Variants in DPH6 observed in about 807,000 individuals in gnomAD.
DPH6 encodes the protein diphthine--ammonia ligase.
Under a neutral mutation model 38.2 loss-of-function variants are expected in DPH6, and 33 were observed. That is an observed-to-expected ratio of 0.86 (90% CI 0.65 to 1.15). DPH6 has a LOEUF of 1.15. DPH6 is among the 50% of genes most tolerant of loss of function. The pLI is 0.00. For missense variants in DPH6, 325 were observed against 320.0 expected (o/e 1.02, Z -0.12); for synonymous variants, 108 against 103.0 (o/e 1.05, Z -0.30).
chr15:35,200,618 C>T, the DPH6 span, among the ~76,000 whole-genome samples: 3 of 151,848 alleles, frequency 2.0e-5, no homozygotes, highest in Non-Finnish European at 2.9e-5. Context: ...TTGCTGTGTG[C>T]TCCCTGCTTC....
At chr15:35,324,501 C>G (rs1192778210) in intron 3 of DPH6, among the ~76,000 whole-genome samples, 1 of 147,048 alleles carries the variant, frequency 6.8e-6, no homozygotes, top group Non-Finnish European at 1.5e-5. Context: ...TTAAGTTGTT[C>G]TCAGTCCTTT....
chr15:35,193,057 T>A, the DPH6 span, among the ~76,000 whole-genome samples: 1 of 152,210 alleles, frequency 6.6e-6, no homozygotes, highest in African/African-American at 2.4e-5. Flanking sequence ...AGAGAATGCC[T>A]CACACATTTA....
chr15:35,349,300 T>C (rs891200540), intron 3 of DPH6, among the ~76,000 whole-genome samples: 31 of 152,234 alleles, frequency 2.0e-4, no homozygotes, highest in African/African-American at 7.2e-4. Flanking sequence ...AAGCTTTTCA[T>C]ATATGGCCTT....
At chr15:35,401,535 A>T in intron 6 of DPH6, 3 of 771,630 alleles carry the variant, frequency 3.9e-6, no homozygotes, top group Non-Finnish European at 7.2e-6. Context: ...ATGGAGGCAG[A>T]GGTGGCTTTG....
the DPH6 span, among the ~76,000 whole-genome samples, chr15:35,192,365 A>C: frequency 1.3e-5 from 2 of 152,200 alleles, no homozygotes; most frequent in Non-Finnish European, 2.9e-5. Context: ...CAAAGTAGAG[A>C]GCACAAATAT....
chr15:35,311,667 T>A (rs1256300099), intron 3 of DPH6, among the ~76,000 whole-genome samples: 1 of 152,216 alleles, frequency 6.6e-6, no homozygotes, highest in Non-Finnish European at 1.5e-5. Flanking sequence ...AATGTTCTCT[T>A]GTTTTGACTT....
intron 3 of DPH6, among the ~76,000 whole-genome samples, chr15:35,364,113 C>A (rs1374083878): frequency 6.6e-6 from 1 of 151,824 alleles, no homozygotes; most frequent in East Asian, 1.9e-4. Context: ...GCCTTAATAT[C>A]CTTTACTATC....
the DPH6 span, among the ~76,000 whole-genome samples, chr15:35,208,163 T>C: frequency 6.6e-6 from 1 of 152,210 alleles, no homozygotes; most frequent in African/African-American, 2.4e-5. Flanking sequence ...TTTTATATCA[T>C]TTTATTTTTA....
intron 3 of DPH6, among the ~76,000 whole-genome samples, chr15:35,320,149 A>G (rs964969881): frequency 1.3e-5 from 2 of 152,174 alleles, no homozygotes; most frequent in Non-Finnish European, 2.9e-5. Context: ...ATCTGCTTGA[A>G]TGTCACTAAA....
At chr15:35,342,707 A>T (rs1338447335) in intron 3 of DPH6, among the ~76,000 whole-genome samples, 2 of 152,220 alleles carry the variant, frequency 1.3e-5, no homozygotes, top group Non-Finnish European at 2.9e-5. Context: ...CATAATAAGA[A>T]GATTAGAAAA....
intron 5 of DPH6, 58 bp from the exon 6 acceptor site, chr15:35,410,954 C>A: frequency 1.3e-6 from 2 of 1,497,692 alleles, no homozygotes; most frequent in Non-Finnish European, 1.8e-6. Context: ...TTTAAAGACA[C>A]ATTCCCCTTC....
intron 3 of DPH6, among the ~76,000 whole-genome samples, chr15:35,466,210 T>C (rs142867581): frequency 6.6e-6 from 1 of 152,016 alleles, no homozygotes; most frequent in African/African-American, 2.4e-5. Flanking sequence ...AAAATTAAAA[T>C]TAATTAAAAA....
intron 3 of DPH6, chr15:35,283,081 TCTTC>T (rs2051912145): frequency 6.0e-6 from 1 of 165,484 alleles, no homozygotes; most frequent in African/African-American, 2.4e-5. Context: ...CTCTTCTTCT[TCTTC>T]CTTCTTTCTT....
At chr15:35,525,926 A>C (rs1464402231) in intron 3 of DPH6, among the ~76,000 whole-genome samples, 2 of 152,208 alleles carry the variant, frequency 1.3e-5, no homozygotes, top group African/African-American at 4.8e-5. Context: ...TCTCCCTTCC[A>C]GATTAATAAA....
intron 3 of DPH6, among the ~76,000 whole-genome samples, chr15:35,285,547 T>C (rs1413725025): frequency 6.6e-6 from 1 of 152,220 alleles, no homozygotes; most frequent in Non-Finnish European, 1.5e-5. Context: ...TATGTGTAAC[T>C]GTAAGTAAAT....
At chr15:35,535,982 TTA>T (rs2055162677) in intron 3 of DPH6, among the ~76,000 whole-genome samples, 1 of 152,062 alleles carries the variant, frequency 6.6e-6, no homozygotes, top group South Asian at 2.1e-4. Context: ...AAAACAAGAC[TTA>T]TGTGTGAAAG....
chr15:35,471,243 G>T (rs16961040), intron 3 of DPH6, among the ~76,000 whole-genome samples: 39,086 of 152,064 alleles, frequency 0.26, 8,794 homozygotes, highest in African/African-American at 0.61. Flanking sequence ...AGGCTTAAGA[G>T]GTACAGGTAA....
chr15:35,508,661 C>A (rs921274825), intron 3 of DPH6, among the ~76,000 whole-genome samples: 1 of 152,136 alleles, frequency 6.6e-6, no homozygotes, highest in Admixed American at 6.5e-5. Flanking sequence ...ATAGGATACA[C>A]ATGACATTCT....
chr15:35,160,076 G>A, the DPH6 span, among the ~76,000 whole-genome samples: 1 of 151,988 alleles, frequency 6.6e-6, no homozygotes, highest in Non-Finnish European at 1.5e-5. Flanking sequence ...GGATTGAAAA[G>A]CTACCTATCG....
Sources: allele counts gnomAD v4.1 joint callset (sites outside exome capture counted in the v4.1 genomes callset), GRCh38; gene constraint gnomAD v4.1.1; transcripts MANE v1.5; gene names NCBI Gene and HGNC (gene_info 2026-07-23, HGNC 2026-07-21).